TGM2: variants seen among roughly 807,000 people sequenced by gnomAD.
TGM2 encodes transglutaminase 2.
TGM2 carries 53 observed loss-of-function variants against 75.6 expected under a neutral mutation model. That is an observed-to-expected ratio of 0.70 (90% CI 0.56 to 0.88). The LOEUF (loss-of-function observed/expected upper bound fraction) is 0.88. TGM2 is among the 40% of genes least tolerant of loss of function. The pLI is 0.00. For missense variants in TGM2, 842 were observed against 928.5 expected (o/e 0.91, Z 1.21); for synonymous variants, 374 against 381.1 (o/e 0.98, Z 0.22).
chr20:38,145,729 C>A (rs913250472), intron 6 of TGM2: 5 of 151,098 alleles, frequency 3.3e-5, no homozygotes, highest in African/African-American at 1.2e-4. Context: ...GGATTTGAAC[C>A]CAGGCCTTGA....
intron 3 of TGM2, among the ~76,000 whole-genome samples, chr20:38,152,926 T>C (rs960989334): frequency 1.3e-4 from 20 of 151,970 alleles, no homozygotes; most frequent in African/African-American, 4.1e-4. Flanking sequence ...CTCTGAAACC[T>C]TGTGGTGTGG....
rs766376703 is a variant in TGM2 at position 38,146,763 on chromosome 20, G to A, written c.813C>T (p.Arg271=). Residue 271 remains arginine (R), a synonymous_variant, in exon 6 of 13, where the codon CGC becomes CGT. Transcript: ENST00000361475. ...LRRWKNHGCQ[R]VKYGQCWVFA... ...AGACCCAGCACTGGCCATACTTGAC[G>A]CGCTGGCAGCCGTGGTTCTTCCAGC... The A allele has an allele frequency of 5.0e-6, 8 of 1,613,606 alleles. No homozygotes were observed. The highest frequency in any genetic ancestry group is 2.7e-5 in the African/African-American group (2 of 74,938).
chr20:38,138,241 G>T lies in TGM2; in HGVS notation c.1487C>A (p.Thr496Asn), dbSNP rs757809334. The change falls in exon 10 of 13, where the codon ACC becomes AAC. Residue 496 changes from threonine (T) to asparagine (N), a missense_variant. Transcript: ENST00000361475. Reference sequence around the variant, plus strand: ...GACGTACTCCTCAGCGGTGTTGTTGGTGATGTGGGCAAAGACGTCAAAGTC... The same window carrying T: ...GACGTACTCCTCAGCGGTGTTGTTGTTGATGTGGGCAAAGACGTCAAAGTC... ...GSDFDVFAHITNNTAEEYVCR... is the reference protein window; with the variant it reads ...GSDFDVFAHINNNTAEEYVCR... The T allele has an allele frequency of 2.0e-5, 32 of 1,613,468 alleles. No homozygotes were observed. Among genetic ancestry groups the T allele is most frequent in the Non-Finnish European group, 1.7e-6 (2 of 1,179,804 alleles).
chr20:38,154,881 G>T (rs952241497), intron 3 of TGM2, among the ~76,000 whole-genome samples: 1 of 152,194 alleles, frequency 6.6e-6, no homozygotes, highest in Non-Finnish European at 1.5e-5. Context: ...CGAGGCGGGT[G>T]GATCACCTGA....
intron 3 of TGM2, among the ~76,000 whole-genome samples, chr20:38,151,510 T>G (rs904997193): frequency 6.6e-6 from 1 of 152,214 alleles, no homozygotes; most frequent in Non-Finnish European, 1.5e-5. Flanking sequence ...CTACTTTGCC[T>G]TCTCTGCCCA....
intron 2 of TGM2, 75 bp downstream of exon 2, chr20:38,161,345 G>T: frequency 6.4e-7 from 1 of 1,566,030 alleles, no homozygotes; most frequent in Non-Finnish European, 8.7e-7. Flanking sequence ...CTCTGTCAGG[G>T]TTCTGGGGCA....
intron 12 of TGM2, among the ~76,000 whole-genome samples, 187 bp downstream of exon 12, chr20:38,130,906 T>C (rs1600474960): frequency 6.6e-6 from 1 of 152,090 alleles, no homozygotes; most frequent in Admixed American, 6.5e-5. Context: ...GCATGGGTGG[T>C]GTCAGCATTG....
At chr20:38,137,390 T>C (rs927555115) in intron 10 of TGM2, among the ~76,000 whole-genome samples, 11 of 152,026 alleles carry the variant, frequency 7.2e-5, no homozygotes, top group African/African-American at 2.2e-4. Context: ...GAGGCTGAGA[T>C]TGCAGTGAGC....
rs541651912 is a variant in TGM2 at position 38,161,482 on chromosome 20, A to C, written c.128T>G (p.Leu43Arg). 2 of 1,614,184 alleles carry C rather than the reference A, an allele frequency of 1.2e-6. No homozygotes were observed. Among genetic ancestry groups the C allele is most frequent in the South Asian group, 2.2e-5 (2 of 91,084 alleles). The change falls in exon 2 of 13, where the codon CTG becomes CGG. Residue 43 changes from leucine (L) to arginine (R), a missense_variant. Physicochemically the swap from Leu to Arg is moderately radical, Grantham distance 102 (BLOSUM62 -2). Coordinates refer to ENST00000361475, the MANE Select transcript of TGM2 (RefSeq NM_004613.4). ...CTCGTAGTTGCGGCCCTCAAAGTGCAGGGTCAGCCAGAAGGGCTGGCCCCG... is the reference window on the plus strand; with the variant it reads ...CTCGTAGTTGCGGCCCTCAAAGTGCCGGGTCAGCCAGAAGGGCTGGCCCCG... ...VRRGQPFWLT[L>R]HFEGRNYEAS...
intron 6 of TGM2, 81 bp from the exon 7 acceptor site, chr20:38,142,280 C>T: frequency 6.3e-7 from 1 of 1,596,926 alleles, no homozygotes; most frequent in South Asian, 1.1e-5. Flanking sequence ...CATCTGCATT[C>T]CAGGGAACAC....
intron 2 of TGM2, among the ~76,000 whole-genome samples, chr20:38,161,158 G>A (rs1030207241): frequency 4.6e-5 from 7 of 152,162 alleles, no homozygotes; most frequent in Non-Finnish European, 7.3e-5. Flanking sequence ...TGCAACCCTG[G>A]TGATAATAGG....
intron 2 of TGM2, among the ~76,000 whole-genome samples, chr20:38,157,963 C>G (rs1483182492): frequency 6.6e-6 from 1 of 152,220 alleles, no homozygotes; most frequent in African/African-American, 2.4e-5. Flanking sequence ...AAGAACTTCA[C>G]AGATTTGGAA....
At position 38,156,054 on chromosome 20, in the gene TGM2, G is replaced by C; in HGVS notation, c.226C>G (p.Arg76Gly). 2 of 1,613,704 alleles carry C rather than the reference G, an allele frequency of 1.2e-6. No individual in the cohort carries two copies. Among genetic ancestry groups the C allele is most frequent in the African/African-American group, 1.3e-5 (1 of 75,064 alleles). The stretch of plus-strand genomic sequence containing the variant: ...TCCACAGCATCTCTTAGTGGAAAAC[G>C]GGCCTTGGTCCCGGCCTCCTGGCTA... ...APSQEAGTKARFPLRDAVEEG... is the reference protein window; with the variant it reads ...APSQEAGTKAGFPLRDAVEEG... Residue 76 changes from arginine to glycine, a missense_variant, in exon 3 of 13, where the codon CGT becomes GGT. Physicochemically the swap from Arg to Gly is moderately radical, Grantham distance 125 (BLOSUM62 -2). Coordinates refer to ENST00000361475, the MANE Select transcript of TGM2 (RefSeq NM_004613.4).
chr20:38,130,968 A>C, intron 12 of TGM2, 125 bp downstream of exon 12: 4 of 1,454,072 alleles, frequency 2.8e-6, no homozygotes, highest in Non-Finnish European at 3.8e-6. Context: ...GGGAGTGGGC[A>C]CAGCTGTGTG....
intron 2 of TGM2, among the ~76,000 whole-genome samples, chr20:38,158,590 G>A (rs938303189): frequency 6.6e-6 from 1 of 152,174 alleles, no homozygotes; most frequent in Non-Finnish European, 1.5e-5. Context: ...CTCAAACCCC[G>A]ACCCCACCTT....
intron 3 of TGM2, 94 bp from the exon 4 acceptor site, chr20:38,151,151 A>C: frequency 3.4e-6 from 3 of 870,976 alleles, no homozygotes; most frequent in Non-Finnish European, 5.9e-6. Flanking sequence ...CCCTAGGCCA[A>C]GCCAGCGTCT....
chr20:38,158,927 C>T (rs2075220629), intron 2 of TGM2, among the ~76,000 whole-genome samples: 1 of 152,186 alleles, frequency 6.6e-6, no homozygotes, highest in Non-Finnish European at 1.5e-5. Flanking sequence ...TCTCCGGGCC[C>T]CGGGAATTTC....
At chr20:38,142,026 C>T (rs2074980906) in intron 7 of TGM2, 38 bp downstream of exon 7, 1 of 1,613,680 alleles carries the variant, frequency 6.2e-7, no homozygotes, top group South Asian at 1.1e-5. Context: ...TGGGGCCCTC[C>T]CTACTGGGCT....
At chr20:38,153,709 C>T (rs924157405) in intron 3 of TGM2, among the ~76,000 whole-genome samples, 1 of 152,082 alleles carries the variant, frequency 6.6e-6, no homozygotes, top group African/African-American at 2.4e-5. Flanking sequence ...CAGGCACATA[C>T]AGACTGACCT....
Sources: allele counts gnomAD v4.1 joint callset (sites outside exome capture counted in the v4.1 genomes callset), GRCh38; gene constraint gnomAD v4.1.1; transcripts MANE v1.5; gene names NCBI Gene and HGNC (gene_info 2026-07-23, HGNC 2026-07-21).